The following POLDIP3 variants were observed in gnomAD, a reference collection of about 807,000 sequenced individuals.
The protein encoded by POLDIP3 is DNA polymerase delta interacting protein 3.
In POLDIP3, 14 loss-of-function variants were observed where a neutral mutation model predicts 45.1. The observed-to-expected ratio is 0.31, with a 90% CI of 0.20 to 0.49. POLDIP3 has a LOEUF of 0.49. Among genes scored for constraint, POLDIP3 ranks in the 20% least tolerant of loss-of-function variants. POLDIP3 has a pLI of 0.99. For synonymous variants in POLDIP3, 223 were observed against 205.2 expected (o/e 1.09, Z -0.74); for missense variants, 511 against 538.8 (o/e 0.95, Z 0.51).
chr22:42,587,784 G>A (rs1178630941), intron 7 of POLDIP3, among the ~76,000 whole-genome samples: 2 of 152,182 alleles, frequency 1.3e-5, no homozygotes, highest in South Asian at 2.1e-4. Flanking sequence ...AGCACCAAGA[G>A]GCAAAGTGGC....
chr22:42,586,437 C>T (rs1198485026), intron 8 of POLDIP3, among the ~76,000 whole-genome samples: 2 of 152,104 alleles, frequency 1.3e-5, no homozygotes, highest in Non-Finnish European at 2.9e-5. Flanking sequence ...AAGCGATCCT[C>T]CCACCTCGGC....
intron 7 of POLDIP3, among the ~76,000 whole-genome samples, chr22:42,588,456 CA>C (rs137093): frequency 2.1e-3 from 210 of 101,508 alleles, no homozygotes; most frequent in Non-Finnish European, 2.7e-3. Flanking sequence ...GACTCCACCT[CA>C]AAAAAAAAAA....
chr22:42,609,471 G>A (rs1926984681), intron 1 of POLDIP3, among the ~76,000 whole-genome samples: 1 of 152,206 alleles, frequency 6.6e-6, no homozygotes, highest in African/African-American at 2.4e-5. Context: ...TGATGACCAG[G>A]GAGGGTCTGT....
At position 42,596,254 on chromosome 22, in the gene POLDIP3, C is replaced by G. The variant is rs1216249244; in HGVS notation, c.745G>C (p.Ala249Pro). The G allele has an allele frequency of 6.2e-7, 1 of 1,614,188 alleles. No homozygotes were observed. The highest frequency in any genetic ancestry group is 1.7e-5 in the Admixed American group (1 of 60,014). ...AGTGTCCGGGACATGTTGGTCAAGGCTTTTGTTCGAATAGAGGAAGGGAGA... is the reference window on the plus strand; with the variant it reads ...AGTGTCCGGGACATGTTGGTCAAGGGTTTTGTTCGAATAGAGGAAGGGAGA... Reference protein sequence around the residue: ...PALPSSIRTKALTNMSRTLVN... With the variant: ...PALPSSIRTKPLTNMSRTLVN... Residue 249 changes from alanine (A) to proline (P), a missense_variant, in exon 5 of 9, where the codon GCC (alanine) becomes CCC (proline). Physicochemically the swap from Ala to Pro is conservative, Grantham distance 27. Around this residue, in one of 4 missense-constraint regions of POLDIP3, gnomAD observed 378 missense variants for 352.3 expected, o/e 1.07. Coordinates refer to ENST00000252115, the MANE Select transcript of POLDIP3 (RefSeq NM_032311.5).
rs754707299 is a variant in POLDIP3, at chr22:42,602,741, G to A, written c.450+29C>T. 10 of 1,561,598 alleles carry A rather than the reference G, an allele frequency of 6.4e-6. No homozygotes were observed. The Admixed American group carries it at 1.3e-4, about 20-fold the overall frequency. On this transcript the variant is annotated intron_variant, in intron 2 of 8. Transcript: ENST00000252115. Reference sequence around the variant, plus strand: ...AATCTACCTTTGTTACTAGCTTTCTGGGAATTCATGACAAAAGCCACAACT... The same window carrying A: ...AATCTACCTTTGTTACTAGCTTTCTAGGAATTCATGACAAAAGCCACAACT...
intron 1 of POLDIP3, among the ~76,000 whole-genome samples, chr22:42,614,149 C>T (rs138428793): frequency 3.2e-3 from 495 of 152,322 alleles, no homozygotes; most frequent in Non-Finnish European, 5.0e-3. Context: ...TTCTCCGTGG[C>T]CTCGGGCAAG....
At chr22:42,599,542 T>A (rs1369487519) in intron 4 of POLDIP3, among the ~76,000 whole-genome samples, 156 bp downstream of exon 4, 1 of 152,190 alleles carries the variant, frequency 6.6e-6, no homozygotes, top group Non-Finnish European at 1.5e-5. Flanking sequence ...AGACGGAGGT[T>A]GCAGTGAGCC....
At chr22:42,601,144 G>A (rs1926341239) in intron 3 of POLDIP3, among the ~76,000 whole-genome samples, 1 of 152,048 alleles carries the variant, frequency 6.6e-6, no homozygotes, top group Admixed American at 6.6e-5. Context: ...TTTCAACAGT[G>A]ACTGGCTTTG....
intron 8 of POLDIP3, 139 bp from the exon 9 acceptor site, chr22:42,586,107 C>T (rs767736814): frequency 2.7e-6 from 2 of 753,242 alleles, no homozygotes; most frequent in Admixed American, 6.3e-5. Flanking sequence ...CATTCCACCT[C>T]GCAGCAAACT....
chr22:42,612,628 C>A (rs1290104140), intron 1 of POLDIP3, among the ~76,000 whole-genome samples: 2 of 152,144 alleles, frequency 1.3e-5, no homozygotes. Flanking sequence ...GAGTTCGAGA[C>A]CAGCCTGGCC....
chr22:42,587,466 C>T lies in POLDIP3; in HGVS notation c.1088+40G>A, dbSNP rs202070345. The T allele has an allele frequency of 8.9e-4, 1,392 of 1,563,440 alleles. 10 individuals carry two copies. In the African/African-American group the frequency reaches 0.015, roughly 17 times the overall value. On this transcript the variant is annotated intron_variant, in intron 8 of 8. Coordinates refer to ENST00000252115, the MANE Select transcript of POLDIP3 (RefSeq NM_032311.5). The stretch of plus-strand genomic sequence containing the variant: ...ACCCATTAGAACAAAAAGAGATGGA[C>T]GGAGCTGCCTCTCCCCAGCACCCCG...
intron 1 of POLDIP3, among the ~76,000 whole-genome samples, chr22:42,610,113 T>A (rs1927031338): frequency 6.6e-6 from 1 of 151,140 alleles, no homozygotes; most frequent in South Asian, 2.1e-4. Context: ...GGTGGAGGTT[T>A]CGGTGAGCTG....
chr22:42,591,870 C>T, intron 7 of POLDIP3, 85 bp downstream of exon 7: 5 of 1,572,188 alleles, frequency 3.2e-6, no homozygotes, highest in East Asian at 2.2e-5. Flanking sequence ...ACCCATCTCA[C>T]AGAGACTTCC....
chr22:42,614,518 CGGG>C (rs1292509792), intron 1 of POLDIP3, among the ~76,000 whole-genome samples: 6 of 152,156 alleles, frequency 3.9e-5, no homozygotes, highest in African/African-American at 1.4e-4. Context: ...CCCCGGAACG[CGGG>C]GGCCCCAGGG....
At chr22:42,600,712 G>A (rs567349675) in intron 3 of POLDIP3, among the ~76,000 whole-genome samples, 256 of 152,238 alleles carry the variant, frequency 1.7e-3, no homozygotes, top group African/African-American at 6.0e-3. Flanking sequence ...GCTCACGCCT[G>A]TAATCCCAGC....
intron 1 of POLDIP3, among the ~76,000 whole-genome samples, chr22:42,606,903 G>A (rs937824640): frequency 1.3e-5 from 2 of 152,228 alleles, no homozygotes; most frequent in African/African-American, 2.4e-5. Flanking sequence ...CCTGGTTCAA[G>A]CATCAATTAA....
chr22:42,601,904 G>A (rs1310456235), intron 3 of POLDIP3, 66 bp downstream of exon 3: 19 of 1,549,374 alleles, frequency 1.2e-5, no homozygotes, highest in Admixed American at 3.5e-5. Flanking sequence ...ATCAAAACAC[G>A]TGCACACCTA....
In POLDIP3 at chr22:42,614,828, G is replaced by T. The variant is rs770673813; in HGVS notation, c.30C>A (p.Ile10=). ...CTTTCGCCGCCGCCCCGCGCTTCCT[G>T]ATGAGTTCGTCCAGGGAGATGTCCG... The part of the protein sequence containing the change: MADISLDEL[I]RKRGAAAKGR... The change falls in exon 1 of 9, where the codon ATC becomes ATA. Residue 10 remains isoleucine, a synonymous_variant. Transcript: ENST00000252115. 1.2e-6 allele frequency: 2 copies of T among 1,614,050 alleles called. No homozygotes were observed. Among genetic ancestry groups the T allele is most frequent in the Non-Finnish European group, 8.5e-7 (1 of 1,179,946 alleles).
chr22:42,586,183 G>A (rs982257630), intron 8 of POLDIP3, among the ~76,000 whole-genome samples: 3 of 152,136 alleles, frequency 2.0e-5, no homozygotes, highest in Non-Finnish European at 2.9e-5. Flanking sequence ...AGCCTCCTAA[G>A]GAGCTAGGAC....
Sources: allele counts gnomAD v4.1 joint callset (sites outside exome capture counted in the v4.1 genomes callset), GRCh38; gene constraint gnomAD v4.1.1; regional missense constraint gnomAD v4.1.1; transcripts MANE v1.5; gene names NCBI Gene and HGNC (gene_info 2026-07-23, HGNC 2026-07-21).